RP1: variants seen among roughly 807,000 people sequenced by gnomAD.
The protein encoded by RP1 is oxygen-regulated protein 1.
Under a neutral mutation model 14.8 loss-of-function variants are expected in RP1, and 16 were observed. The ratio of observed to expected loss-of-function variants is 1.08; its 90% CI spans 0.73 to 1.65. The LOEUF is 1.65. Ranked by LOEUF, RP1 falls within the 40% of genes most tolerant of loss-of-function variation. The pLI is 0.00. For synonymous variants in RP1, 876 were observed against 883.6 expected, an observed-to-expected ratio of 0.99 and a Z score of 0.15; for missense variants, 2,631 against 2,535.0, an observed-to-expected ratio of 1.04 and a Z score of -0.81.
intron 4 of RP1, among the ~76,000 whole-genome samples, chr8:54,652,463 A>G (rs1806674245): frequency 6.6e-6 from 1 of 151,966 alleles, no homozygotes; most frequent in African/African-American, 2.4e-5. Context: ...GGAGTGTTCT[A>G]TAGATGTTAG....
intron 1 of RP1, among the ~76,000 whole-genome samples, chr8:54,581,001 TCTATTTA>T (rs140680403): frequency 0.3 from 44,895 of 151,212 alleles, 7,928 homozygotes; most frequent in Non-Finnish European, 0.41. Flanking sequence ...TATTTATTTA[TCTATTTA>T]TTTTTTTTTA....
intron 12 of RP1, among the ~76,000 whole-genome samples, chr8:54,697,297 G>A (rs1251296991): frequency 1.3e-5 from 2 of 152,188 alleles, no homozygotes; most frequent in Non-Finnish European, 2.9e-5. Flanking sequence ...GCTCATGCCT[G>A]TAATCCCAGA....
chr8:54,653,399 T>C (rs1806694683), intron 5 of RP1, among the ~76,000 whole-genome samples: 1 of 152,228 alleles, frequency 6.6e-6, no homozygotes, highest in South Asian at 2.1e-4. Flanking sequence ...CTGGAAATCA[T>C]AGAGCTTGTC....
At chr8:54,581,053 G>C (rs920817390) in intron 1 of RP1, among the ~76,000 whole-genome samples, 5 of 151,596 alleles carry the variant, frequency 3.3e-5, no homozygotes, top group Non-Finnish European at 5.9e-5. Context: ...TGTGCACAAC[G>C]TGCAGTTTTG....
intron 24 of RP1, among the ~76,000 whole-genome samples, chr8:54,836,994 G>T (rs1280137422): frequency 6.6e-6 from 1 of 152,068 alleles, no homozygotes; most frequent in Non-Finnish European, 1.5e-5. Flanking sequence ...ATACAATCAT[G>T]TTACCAACAC....
At chr8:54,737,020 A>G (rs1808949120) in intron 18 of RP1, among the ~76,000 whole-genome samples, 1 of 152,094 alleles carries the variant, frequency 6.6e-6, no homozygotes, top group African/African-American at 2.4e-5. Context: ...TTTGCCACTT[A>G]TAAGTTTGTC....
chr8:54,867,992 T>G (rs978617140), intron 28 of RP1, among the ~76,000 whole-genome samples: 4 of 152,218 alleles, frequency 2.6e-5, no homozygotes, highest in Non-Finnish European at 5.9e-5. Flanking sequence ...TGGTATCATA[T>G]GAAGCTGTGT....
exon 23 of RP1, chr8:54,769,821 A>T: frequency 6.7e-7 from 1 of 1,497,334 alleles, no homozygotes; most frequent in Non-Finnish European, 9.0e-7. Flanking sequence ...TGAAACCATC[A>T]GTAGAAGAAA....
intron 24 of RP1, among the ~76,000 whole-genome samples, chr8:54,819,511 T>A (rs1415245800): frequency 1.3e-5 from 2 of 152,056 alleles, no homozygotes; most frequent in Non-Finnish European, 2.9e-5. Context: ...CTGGATGTTC[T>A]TGATGTTTGT....
At chr8:54,758,318 T>C (rs572985434) in intron 21 of RP1, among the ~76,000 whole-genome samples, 12 of 152,264 alleles carry the variant, frequency 7.9e-5, no homozygotes, top group African/African-American at 2.9e-4. Context: ...GAAATGTCAG[T>C]GTATTTTTGA....
intron 26 of RP1, among the ~76,000 whole-genome samples, chr8:54,855,670 A>T (rs186293609): frequency 1.3e-5 from 2 of 152,258 alleles, no homozygotes; most frequent in Admixed American, 1.3e-4. Flanking sequence ...CCCTATTTAA[A>T]ACATGGGCAT....
intron 23 of RP1, among the ~76,000 whole-genome samples, chr8:54,778,167 T>A (rs1810088637): frequency 6.6e-6 from 1 of 152,142 alleles, no homozygotes; most frequent in Non-Finnish European, 1.5e-5. Context: ...AATGTGCCCT[T>A]CAGGGACTTA....
chr8:54,867,109 TTAG>T (rs1316783612), intron 28 of RP1, among the ~76,000 whole-genome samples: 1 of 152,118 alleles, frequency 6.6e-6, no homozygotes, highest in African/African-American at 2.4e-5. Flanking sequence ...TGCTCTGAAT[TTAG>T]TAGGTGGCTC....
At chr8:54,812,171 C>T (rs1811013580) in intron 24 of RP1, among the ~76,000 whole-genome samples, 1 of 152,180 alleles carries the variant, frequency 6.6e-6, no homozygotes, top group Non-Finnish European at 1.5e-5. Flanking sequence ...CACAGAATCT[C>T]ACTCTGTCGC....
At chr8:54,779,929 C>G (rs897722549) in intron 23 of RP1, among the ~76,000 whole-genome samples, 1 of 152,230 alleles carries the variant, frequency 6.6e-6, no homozygotes, top group African/African-American at 2.4e-5. Context: ...TGAAAAACCA[C>G]TCCCAAACTC....
intron 14 of RP1, among the ~76,000 whole-genome samples, chr8:54,703,464 AT>A (rs1808075636): frequency 6.6e-6 from 1 of 152,174 alleles, no homozygotes; most frequent in African/African-American, 2.4e-5. Context: ...TCAGTAAACG[AT>A]GCTGTAAATA....
At chr8:54,762,467 G>T (rs1483830803) in intron 22 of RP1, among the ~76,000 whole-genome samples, 1 of 152,020 alleles carries the variant, frequency 6.6e-6, no homozygotes, top group Middle Eastern at 3.2e-3. Flanking sequence ...ATGCCTGAAG[G>T]TATTATTTTT....
rs181260840 is a variant in RP1 at position 54,646,087 on chromosome 8, G to T, written c.788-2898G>T. ...GTATATTACAAAGACTTAGAATTTT[G>T]TCTATTCACATTTTTTCTCCCATAG... On this transcript the variant is annotated intron_variant, in intron 3 of 22. Coordinates refer to the RP1 transcript ENST00000636932. 7.2e-4 allele frequency among the ~76,000 whole-genome samples: 110 copies of T among 152,072 alleles called. 2 individuals carry two copies. Among genetic ancestry groups the T allele is most frequent in the Admixed American group, 5.2e-3 (80 of 15,274 alleles).
rs969760189 is a variant in RP1 at position 54,730,723 on chromosome 8, C to A, written c.2522-3822C>A. 2.0e-5 allele frequency among the ~76,000 whole-genome samples: 3 copies of A among 152,136 alleles called. No individual in the cohort carries two copies. The South Asian group carries it at 6.2e-4, about 32-fold the overall frequency. On this transcript the variant is annotated intron_variant, in intron 17 of 22. Transcript: ENST00000636932. ...TCCAATGGGCAAGCATGTTAGGATGCCTTTGATTATGTGATCCTGTTTTCT... is the reference window on the plus strand; with the variant it reads ...TCCAATGGGCAAGCATGTTAGGATGACTTTGATTATGTGATCCTGTTTTCT...
Sources: gnomAD v4.1 joint callset for allele counts (sites outside exome capture counted in the v4.1 genomes callset) on GRCh38, gnomAD v4.1.1 for gene constraint, MANE v1.5 for transcripts, NCBI Gene and HGNC (gene_info 2026-07-23, HGNC 2026-07-21) for gene names.